The following NISCH variants were observed in gnomAD, a reference collection of about 807,000 sequenced individuals.
NISCH encodes I-1 receptor candidate protein.
NISCH carries 55 observed loss-of-function variants against 138.4 expected under a neutral mutation model. The ratio of observed to expected loss-of-function variants is 0.40; its 90% CI spans 0.32 to 0.50. NISCH has a LOEUF of 0.50. NISCH is among the 20% of genes least tolerant of loss of function. The pLI, the probability that NISCH is intolerant of heterozygous loss-of-function variation, is 0.71. For synonymous variants in NISCH, 860 were observed against 861.5 expected (o/e 1.00, Z 0.03); for missense variants, 1,643 against 2,005.5 (o/e 0.82, Z 3.45).
At chr3:52,477,987 T>G (rs1336782001) in intron 9 of NISCH, 110 bp from the exon 10 acceptor site, 1 of 1,111,370 alleles carries the variant, frequency 9.0e-7, no homozygotes, top group Admixed American at 2.0e-5. Context: ...CAGAGTGACT[T>G]GCAGAACTGG....
At chr3:52,480,615 A>G in intron 13 of NISCH, 1 of 1,427,710 alleles carries the variant, frequency 7.0e-7, no homozygotes, top group Non-Finnish European at 9.1e-7. Context: ...CATGGGACCC[A>G]TTCCCTCACC....
At chr3:52,463,858 G>A (rs757379412) in intron 3 of NISCH, among the ~76,000 whole-genome samples, 2 of 150,934 alleles carry the variant, frequency 1.3e-5, no homozygotes, top group African/African-American at 2.4e-5. Context: ...CGAGTAGCTG[G>A]GACTACAGGC....
intron 1 of NISCH, 125 bp from the exon 2 acceptor site, chr3:52,457,718 G>C (rs1578270577): frequency 1.3e-6 from 1 of 786,438 alleles, no homozygotes; most frequent in Non-Finnish European, 2.2e-6. Context: ...GGGTGGGTCT[G>C]AGTTGCAGAG....
chr3:52,478,503 C>T lies in NISCH; in HGVS notation c.1228C>T (p.Leu410=). 6.2e-7 allele frequency: 1 copy of T among 1,614,232 alleles called. No individual in the cohort carries two copies. The highest frequency in any genetic ancestry group is 8.5e-7 in the Non-Finnish European group (1 of 1,180,042). ...SLPCLEHVSL[L]NNPLSIIPDY... ...CCCGTGTCTGGAGCACGTGTCTCTG[C>T]TGAACAACCCTCTGAGCATCATCCC... The change falls in exon 11 of 21, where the codon CTG becomes TTG. Residue 410 remains leucine, a synonymous_variant. Transcript: ENST00000345716.
rs769915577 is a variant in NISCH at position 52,480,976 on chromosome 3, C to T, written c.1528+681C>T. ...GAGGGTGTGCCGTCCCGAGTGGAGC[C>T]GAGGCTCGGGACACGCAGGAAAGGA... is the stretch of plus-strand genomic sequence containing the variant. On this transcript the variant is annotated intron_variant, in intron 13 of 20. Transcript: ENST00000345716. 1.7e-4 allele frequency: 249 copies of T among 1,471,050 alleles called. 1 individual carries two copies. The highest frequency in any genetic ancestry group is 6.4e-4 in the Admixed American group (27 of 42,302). 91.1% of individuals were successfully genotyped at this position (1,471,050 alleles called of 1,614,324 possible).
intron 3 of NISCH, among the ~76,000 whole-genome samples, chr3:52,467,252 C>T (rs1338547743): frequency 1.3e-5 from 2 of 152,128 alleles, no homozygotes; most frequent in African/African-American, 4.8e-5. Context: ...CCGCCCGCCT[C>T]GGCCTCCCAA....
Position 52,488,205 on chromosome 3 carries a change from G to A in NISCH, c.2713G>A (p.Ala905Thr), listed in dbSNP as rs372469950. ...GCCCTCTGAGGCCGTCAAGTCCGCC[G>A]CCATCCCCTACTGGCTGTTGCTCAC... is the stretch of plus-strand genomic sequence containing the variant. The part of the protein sequence containing the change: ...CAPSEAVKSA[A>T]IPYWLLLTPQ... The change falls in exon 16 of 21, where the codon GCC becomes ACC. Residue 905 changes from alanine to threonine, a missense_variant. Physicochemically the swap from Ala to Thr is moderately conservative, Grantham distance 58. Transcript: ENST00000345716. The A allele has an allele frequency of 1.3e-5, 21 of 1,612,948 alleles. No homozygotes were observed. Among genetic ancestry groups the A allele is most frequent in the East Asian group, 4.5e-5 (2 of 44,876 alleles).
rs750591619 is a variant in NISCH at position 52,480,219 on chromosome 3, C to T, written c.1452C>T (p.Cys484=). The change falls in exon 13 of 21, where the codon TGC becomes TGT. Residue 484 remains cysteine, a synonymous_variant. Coordinates refer to ENST00000345716, the MANE Select transcript of NISCH (RefSeq NM_007184.4). ...GEDSRLSAAP[C]IRPSSSPPTV... is the part of the protein sequence containing the mutation. ...ACTCCCGGCTCTCAGCTGCCCCCTG[C>T]ATCAGACCCAGCAGCTCCCCTCCCA... 6.2e-7 allele frequency: 1 copy of T among 1,613,966 alleles called. No homozygotes were observed.
chr3:52,481,879 T>C (rs1046920643), intron 13 of NISCH: 2 of 985,536 alleles, frequency 2.0e-6, no homozygotes, highest in East Asian at 1.1e-4. Flanking sequence ...CCTCCAGATT[T>C]GCACCTCTTA....
chr3:52,480,625 C>T lies in NISCH; in HGVS notation c.1528+330C>T, dbSNP rs111615226. The stretch of plus-strand genomic sequence containing the variant: ...TGGCTCATGGGACCCATTCCCTCAC[C>T]GGCAGCACAAGCAGGTTGGCTCCTG... On this transcript the variant is annotated intron_variant, in intron 13 of 20. Coordinates refer to ENST00000345716, the MANE Select transcript of NISCH (RefSeq NM_007184.4). The T allele has an allele frequency of 2.7e-4, 382 of 1,425,822 alleles. 1 individual carries two copies. In the African/African-American group the frequency reaches 4.3e-3, roughly 16 times the overall value. The allele number at this position is 1,425,822 out of a possible 1,614,324, so 88.3% of individuals were successfully genotyped here. A position where few individuals can be genotyped will look rare whatever the true frequency, so the allele number is the denominator to read the frequency against.
intron 3 of NISCH, among the ~76,000 whole-genome samples, chr3:52,461,736 T>A (rs1195789717): frequency 6.6e-6 from 1 of 151,654 alleles, no homozygotes; most frequent in African/African-American, 2.4e-5. Context: ...GGTGGTGGGC[T>A]CCTGTAGTCC....
intron 3 of NISCH, among the ~76,000 whole-genome samples, chr3:52,459,174 CTA>C (rs1230810151): frequency 6.6e-6 from 1 of 152,164 alleles, no homozygotes; most frequent in African/African-American, 2.4e-5. Context: ...CTGGGATAGA[CTA>C]TTGTTGAGTT....
At position 52,457,307 on chromosome 3, in the gene NISCH, C is replaced by G. The variant is rs529492743; in HGVS notation, c.94-536C>G. ...TCCCTCCCCACATCAGCTGCTTGTG[C>G]CTTGATTCCTGGCTCAGCAGCAGAA... On this transcript the variant is annotated intron_variant, in intron 1 of 20. Coordinates refer to ENST00000345716, the MANE Select transcript of NISCH (RefSeq NM_007184.4). Among the ~76,000 whole-genome samples, 4 of 152,302 alleles carry G rather than the reference C, an allele frequency of 2.6e-5. No individual in the cohort carries two copies. The East Asian group carries it at 7.7e-4, about 29-fold the overall frequency.
intron 13 of NISCH, among the ~76,000 whole-genome samples, chr3:52,483,977 T>G (rs1458373727): frequency 1.3e-5 from 2 of 152,266 alleles, no homozygotes; most frequent in African/African-American, 4.8e-5. Context: ...GTCTCTTGTT[T>G]CAGCTTGCCT....
In NISCH at chr3:52,487,861, C is replaced by T. The variant is rs138446881; in HGVS notation, c.2369C>T (p.Thr790Met). 9.9e-6 allele frequency: 16 copies of T among 1,612,804 alleles called. No homozygotes were observed. The highest frequency in any genetic ancestry group is 8.3e-5 in the Admixed American group (5 of 59,898). ...LVLKVRHSEN[T>M]LFIISDAANL... is the part of the protein sequence containing the mutation. ...CTCAAGGTACGGCACAGTGAGAACA[C>T]GCTCTTCATTATCTCGGACGCCGCC... The change falls in exon 16 of 21, where the codon ACG becomes ATG. Residue 790 changes from threonine to methionine, a missense_variant. Thr to Met is a moderately conservative substitution (Grantham distance 81, BLOSUM62 -1). Coordinates refer to ENST00000345716, the MANE Select transcript of NISCH (RefSeq NM_007184.4). The surrounding 1 kb of genome is among the most constrained non-coding windows in gnomAD (Gnocchi z 9.1).
chr3:52,490,140 G>A lies in NISCH; in HGVS notation c.3522G>A (p.Leu1174=), dbSNP rs748109514. The A allele has an allele frequency of 8.7e-6, 14 of 1,613,520 alleles. No individual in the cohort carries two copies. In the African/African-American group the frequency reaches 1.3e-4, roughly 15 times the overall value. Reference sequence around the variant, plus strand: ...TGGTGTTCTACCAGACCCCAGGGCTGGAGGTGACTGCCTGCGTGCTGCTCT... The same window carrying A: ...TGGTGTTCTACCAGACCCCAGGGCTAGAGGTGACTGCCTGCGTGCTGCTCT... The part of the protein sequence containing the change: ...SSVVFYQTPG[L]EVTACVLLST... Residue 1174 remains leucine (L), a synonymous_variant, in exon 18 of 21, where the codon CTG becomes CTA. Transcript: ENST00000345716.
chr3:52,458,349 C>T (rs533910399), intron 2 of NISCH, among the ~76,000 whole-genome samples: 1 of 152,186 alleles, frequency 6.6e-6, no homozygotes, highest in Non-Finnish European at 1.5e-5. Context: ...TAAAGACACA[C>T]CGCTGCCCTG....
intron 4 of NISCH, chr3:52,471,519 C>T (rs1706945996): frequency 1.9e-6 from 1 of 518,410 alleles, no homozygotes; most frequent in Admixed American, 3.6e-5. Flanking sequence ...TCCCTCTCCG[C>T]AGCCTCACTC....
At position 52,455,655 on chromosome 3, in the gene NISCH, G is replaced by A. The variant is rs764761174; in HGVS notation, c.14G>A (p.Arg5His). 4 of 1,344,992 alleles carry A rather than the reference G, an allele frequency of 3.0e-6. No individual in the cohort carries two copies. In the African/African-American group the frequency reaches 4.5e-5, roughly 15 times the overall value. 83.3% of individuals were successfully genotyped at this position (1,344,992 alleles called of 1,614,324 possible). A position where few individuals can be genotyped will look rare whatever the true frequency, so the allele number is the denominator to read the frequency against. ...GGAGACCCGAACATGGCGACCGCGC[G>A]CACCTTCGGGCCCGAGCGGGAAGCC... is the stretch of plus-strand genomic sequence containing the variant. MATA[R>H]TFGPEREAEP... The change falls in exon 1 of 21, where the codon CGC (arginine) becomes CAC (histidine). Residue 5 changes from arginine to histidine, a missense_variant. By Grantham distance (29) the Arg-to-His change is conservative. Coordinates refer to ENST00000345716, the MANE Select transcript of NISCH (RefSeq NM_007184.4).
Sources: gnomAD v4.1 joint callset for allele counts (sites outside exome capture counted in the v4.1 genomes callset) on GRCh38, gnomAD v4.1.1 for gene constraint, Gnocchi (gnomAD v3.1) non-coding constraint, MANE v1.5 for transcripts, NCBI Gene and HGNC (gene_info 2026-07-23, HGNC 2026-07-21) for gene names.